The following RAPGEF5 variants were observed in gnomAD, a reference collection of about 807,000 sequenced individuals.
RAPGEF5 encodes the protein M-Ras-regulated GEF.
A neutral mutation model predicts 125.2 loss-of-function variants in RAPGEF5; 65 were observed. That is an observed-to-expected ratio of 0.52 (90% confidence interval 0.43 to 0.64). RAPGEF5 has a LOEUF of 0.64. Among genes scored for constraint, RAPGEF5 ranks in the 30% least tolerant of loss-of-function variants. RAPGEF5 has a pLI of 0.00. For synonymous variants in RAPGEF5, 391 were observed against 385.9 expected (o/e 1.01, Z -0.16); for missense variants, 958 against 1,048.1 (o/e 0.91, Z 1.19).
At chr7:22,184,310 C>T (rs74343070) in intron 11 of RAPGEF5, among the ~76,000 whole-genome samples, 3,580 of 152,264 alleles carry the variant, frequency 0.024, 47 homozygotes, top group Middle Eastern at 0.054. Context: ...TTCATCTCTC[C>T]ACATAGTTCA....
intron 1 of RAPGEF5, among the ~76,000 whole-genome samples, chr7:22,333,842 C>G (rs144988421): frequency 1.4e-5 from 2 of 146,364 alleles, no homozygotes; most frequent in Non-Finnish European, 3.0e-5. Context: ...CCCAGAGAAA[C>G]AGAGAGAGAA....
intron 1 of RAPGEF5, among the ~76,000 whole-genome samples, chr7:22,345,517 TA>T (rs1258223092): frequency 6.6e-6 from 1 of 151,704 alleles, no homozygotes; most frequent in Non-Finnish European, 1.5e-5. Context: ...TTGAGTCTAT[TA>T]AAAAAAAGAC....
chr7:22,285,806 A>G (rs1392906409), intron 6 of RAPGEF5, among the ~76,000 whole-genome samples: 3 of 152,222 alleles, frequency 2.0e-5, no homozygotes, highest in African/African-American at 7.2e-5. Flanking sequence ...AACCCTTATG[A>G]AAAGCCCTTA....
intron 2 of RAPGEF5, among the ~76,000 whole-genome samples, chr7:22,317,168 A>C (rs1783618673): frequency 6.6e-6 from 1 of 150,756 alleles, no homozygotes; most frequent in African/African-American, 2.4e-5. Flanking sequence ...ACAGCGGTGG[A>C]GAAGGTAGAG....
Position 22,232,606 on chromosome 7 carries a change from C to G in RAPGEF5, c.797-1687G>C, listed in dbSNP as rs1483780203. ...AAGTGCTGGGATTACAAGGTGTGAG[C>G]CACCACGCTTGGCCTGTGTACTTTT... On this transcript the variant is annotated intron_variant, in intron 7 of 25. Transcript: ENST00000665637. Among the ~76,000 whole-genome samples the G allele has an allele frequency of 2.0e-5, 3 of 152,208 alleles. No homozygotes were observed. The South Asian group carries it at 6.2e-4, about 32-fold the overall frequency.
At chr7:22,195,057 C>T (rs1785114653) in intron 9 of RAPGEF5, among the ~76,000 whole-genome samples, 1 of 152,228 alleles carries the variant, frequency 6.6e-6, no homozygotes, top group Non-Finnish European at 1.5e-5. Context: ...AAGTAGGTTT[C>T]ACCTTAAAGA....
intron 7 of RAPGEF5, among the ~76,000 whole-genome samples, chr7:22,247,199 A>T (rs532436284): frequency 6.6e-6 from 1 of 152,352 alleles, no homozygotes; most frequent in South Asian, 2.1e-4. Context: ...AAATAGAACT[A>T]CCATTTGACC....
chr7:22,236,316 C>G (rs1786187231), intron 7 of RAPGEF5, among the ~76,000 whole-genome samples: 1 of 152,176 alleles, frequency 6.6e-6, no homozygotes, highest in East Asian at 1.9e-4. Flanking sequence ...GCCCACTTCT[C>G]TGAGTTCCAG....
intron 23 of RAPGEF5, among the ~76,000 whole-genome samples, chr7:22,132,491 T>G (rs1782944862): frequency 6.6e-6 from 1 of 152,234 alleles, no homozygotes; most frequent in Non-Finnish European, 1.5e-5. Flanking sequence ...AAATTTTGCT[T>G]GCAGAAAATA....
chr7:22,154,007 T>A (rs1040664353), intron 17 of RAPGEF5, among the ~76,000 whole-genome samples: 5 of 152,176 alleles, frequency 3.3e-5, no homozygotes, highest in African/African-American at 1.2e-4. Flanking sequence ...AATATTGCCG[T>A]GTGAGCTTTC....
chr7:22,165,985 T>C (rs994951319), intron 12 of RAPGEF5, among the ~76,000 whole-genome samples: 1 of 150,352 alleles, frequency 6.7e-6, no homozygotes, highest in African/African-American at 2.4e-5. Context: ...CCAGCTAGTT[T>C]TGGTATGCCT....
intron 13 of RAPGEF5, 51 bp downstream of exon 13, chr7:22,162,346 A>G: frequency 6.7e-7 from 1 of 1,497,270 alleles, no homozygotes; most frequent in Non-Finnish European, 9.2e-7. Context: ...GCATAACTAA[A>G]AATAGAATCA....
chr7:22,245,091 CA>C (rs1786441564), intron 7 of RAPGEF5, among the ~76,000 whole-genome samples: 1 of 152,138 alleles, frequency 6.6e-6, no homozygotes. Context: ...CCACTTTTTG[CA>C]GGAACCTGTT....
intron 20 of RAPGEF5, among the ~76,000 whole-genome samples, chr7:22,143,303 T>C (rs1783324210): frequency 6.6e-6 from 1 of 152,176 alleles, no homozygotes; most frequent in South Asian, 2.1e-4. Flanking sequence ...GGAACCTCCA[T>C]GGTCTCTTCT....
chr7:22,285,182 A>G (rs1252685267), intron 6 of RAPGEF5, among the ~76,000 whole-genome samples: 1 of 152,210 alleles, frequency 6.6e-6, no homozygotes, highest in Non-Finnish European at 1.5e-5. Context: ...TCGAGAGGGT[A>G]TCCTACCATA....
rs1293626245 is a variant in RAPGEF5 at position 22,165,331 on chromosome 7, G to C, written c.1283+1739C>G. ...CATAGTTAAAGAATGTAGTTTAAAG[G>C]CATCTCATTTGTTATAAGTATATTT... On this transcript the variant is annotated intron_variant, in intron 12 of 25. Coordinates refer to ENST00000665637, the MANE Select transcript of RAPGEF5 (RefSeq NM_012294.5). 1.3e-5 allele frequency among the ~76,000 whole-genome samples: 2 copies of C among 152,206 alleles called. 1 individual carries two copies. The highest frequency in any genetic ancestry group is 4.1e-4 in the South Asian group (2 of 4,820).
chr7:22,139,298 G>C (rs1783178839), intron 21 of RAPGEF5, among the ~76,000 whole-genome samples: 1 of 152,166 alleles, frequency 6.6e-6, no homozygotes, highest in African/African-American at 2.4e-5. Context: ...GCAATGATGA[G>C]GGGAGAAGTG....
At chr7:22,293,255 G>T (rs1782974317) in intron 5 of RAPGEF5, among the ~76,000 whole-genome samples, 1 of 152,088 alleles carries the variant, frequency 6.6e-6, no homozygotes, top group Admixed American at 6.5e-5. Context: ...GGCAATTCCA[G>T]GAACTTTATT....
chr7:22,244,049 T>C (rs1786407960), intron 7 of RAPGEF5, among the ~76,000 whole-genome samples: 1 of 152,198 alleles, frequency 6.6e-6, no homozygotes, highest in Non-Finnish European at 1.5e-5. Context: ...CATGTAGTAT[T>C]TCTCTTTCTG....
Sources: gnomAD v4.1 joint callset for allele counts (sites outside exome capture counted in the v4.1 genomes callset) on GRCh38, gnomAD v4.1.1 for gene constraint, MANE v1.5 for transcripts, NCBI Gene and HGNC (gene_info 2026-07-23, HGNC 2026-07-21) for gene names.